TFEC: variants seen among roughly 807,000 people sequenced by gnomAD.
The protein encoded by TFEC is transcription factor EC.
In TFEC, 31 loss-of-function variants were observed where a neutral mutation model predicts 41.6. The ratio of observed to expected loss-of-function variants is 0.74; its 90% CI spans 0.56 to 1.01. The LOEUF (loss-of-function observed/expected upper bound fraction) is 1.01. Ranked by LOEUF, TFEC falls within the 50% of genes least tolerant of loss-of-function variation. The pLI is 0.00. For synonymous variants in TFEC, 143 were observed against 140.6 expected, an observed-to-expected ratio of 1.02 and a Z score of -0.12; for missense variants, 402 against 404.1, an observed-to-expected ratio of 0.99 and a Z score of 0.04.
At chr7:116,095,359 G>T (rs979189616) in intron 3 of TFEC, among the ~76,000 whole-genome samples, 1 of 152,192 alleles carries the variant, frequency 6.6e-6, no homozygotes, top group African/African-American at 2.4e-5. Flanking sequence ...GTACAGGCAT[G>T]CATGAGTGAA....
At chr7:116,112,773 A>T (rs1797885590) in intron 1 of TFEC, among the ~76,000 whole-genome samples, 1 of 152,028 alleles carries the variant, frequency 6.6e-6, no homozygotes, top group African/African-American at 2.4e-5. Flanking sequence ...AGAGGAATGT[A>T]GGTAATAACG....
At chr7:116,077,474 C>T (rs531100287) in intron 3 of TFEC, among the ~76,000 whole-genome samples, 49 of 152,164 alleles carry the variant, frequency 3.2e-4, no homozygotes, top group African/African-American at 1.1e-3. Context: ...TTAAAAAATA[C>T]AGAATGGCTG....
chr7:116,017,773 T>A (rs1795249340), intron 1 of TFEC, among the ~76,000 whole-genome samples: 1 of 152,222 alleles, frequency 6.6e-6, no homozygotes, highest in Non-Finnish European at 1.5e-5. Context: ...ATGGCTTCTC[T>A]CTTTTCAGGA....
intron 1 of TFEC, among the ~76,000 whole-genome samples, chr7:116,112,667 T>A (rs959658138): frequency 6.6e-6 from 1 of 151,866 alleles, no homozygotes. Flanking sequence ...CCAGGAGCAA[T>A]GGATATATGT....
chr7:116,041,527 C>G (rs993505177), intron 3 of TFEC, among the ~76,000 whole-genome samples: 2 of 152,054 alleles, frequency 1.3e-5, no homozygotes, highest in Non-Finnish European at 2.9e-5. Flanking sequence ...AAAGTTAACC[C>G]CTTGAAAAAT....
At chr7:115,954,780 T>C (rs944200017) in intron 4 of TFEC, 138 bp from the exon 5 acceptor site, 13 of 646,928 alleles carry the variant, frequency 2.0e-5, no homozygotes, top group Middle Eastern at 8.4e-4. Flanking sequence ...GATGCAAATA[T>C]TCAGAAATTT....
At chr7:116,107,067 C>A (rs925047507) in intron 3 of TFEC, among the ~76,000 whole-genome samples, 2 of 152,116 alleles carry the variant, frequency 1.3e-5, no homozygotes. Flanking sequence ...CAATATGAAT[C>A]CAAAGCTCTC....
intron 3 of TFEC, among the ~76,000 whole-genome samples, chr7:116,077,534 C>A (rs73448960): frequency 6.6e-6 from 1 of 151,788 alleles, no homozygotes; most frequent in African/African-American, 2.4e-5. Flanking sequence ...AGGAGACACA[C>A]CTAACACATA....
At chr7:115,959,180 T>C (rs191967302) in intron 3 of TFEC, among the ~76,000 whole-genome samples, 153 of 151,908 alleles carry the variant, frequency 1.0e-3, no homozygotes, top group Non-Finnish European at 3.1e-4. Context: ...AGGCAAACAT[T>C]ATTATTAACA....
intron 2 of TFEC, among the ~76,000 whole-genome samples, chr7:115,977,959 TA>T (rs1464869389): frequency 6.6e-6 from 1 of 151,464 alleles, no homozygotes; most frequent in Non-Finnish European, 1.5e-5. Context: ...GAAAAGAAGA[TA>T]AAAACTGACC....
At chr7:115,970,634 T>C (rs935626980) in intron 3 of TFEC, among the ~76,000 whole-genome samples, 1 of 151,980 alleles carries the variant, frequency 6.6e-6, no homozygotes, top group Non-Finnish European at 1.5e-5. Context: ...GGAGGAGCTA[T>C]TTAGAGAAGA....
chr7:115,994,037 T>G (rs1794245977), intron 1 of TFEC, among the ~76,000 whole-genome samples: 1 of 152,114 alleles, frequency 6.6e-6, no homozygotes, highest in East Asian at 1.9e-4. Flanking sequence ...AACAGAGCCC[T>G]CAGAAATAAT....
intron 1 of TFEC, among the ~76,000 whole-genome samples, chr7:116,007,514 C>A (rs112490166): frequency 6.6e-6 from 1 of 152,248 alleles, no homozygotes; most frequent in African/African-American, 2.4e-5. Context: ...TGCCCCCACA[C>A]GGAGATATGA....
At chr7:115,965,972 GCCCTAAGCCTAAATTATGTTC>G (rs1481369659) in intron 3 of TFEC, among the ~76,000 whole-genome samples, 1 of 151,022 alleles carries the variant, frequency 6.6e-6, no homozygotes, top group Non-Finnish European at 1.5e-5. Flanking sequence ...GATCCTCACA[GCCCTAAGCCTAAATTATGTTC>G]CCCGCCACTA....
At chr7:116,154,735 C>T (rs894285339) in intron 1 of TFEC, among the ~76,000 whole-genome samples, 1 of 152,190 alleles carries the variant, frequency 6.6e-6, no homozygotes, top group African/African-American at 2.4e-5. Context: ...TATATCCCTG[C>T]AAACTCTATC....
chr7:115,994,696 G>A (rs368673948), intron 1 of TFEC, among the ~76,000 whole-genome samples: 2 of 152,012 alleles, frequency 1.3e-5, no homozygotes, highest in Non-Finnish European at 2.9e-5. Flanking sequence ...GTCAGGAAAC[G>A]ACAGGTGCTG....
intron 1 of TFEC, among the ~76,000 whole-genome samples, chr7:116,148,624 TG>T (rs1356048566): frequency 6.6e-6 from 1 of 152,062 alleles, no homozygotes; most frequent in Non-Finnish European, 1.5e-5. Context: ...TCCAAAATAC[TG>T]GAAAAAAAGA....
intron 3 of TFEC, among the ~76,000 whole-genome samples, chr7:115,957,864 A>G (rs1792317845): frequency 6.6e-6 from 1 of 151,904 alleles, no homozygotes; most frequent in East Asian, 1.9e-4. Flanking sequence ...ACAGGAAGTA[A>G]ATATGAAGAA....
chr7:115,989,877 G>C (rs1794029307), intron 1 of TFEC, among the ~76,000 whole-genome samples: 1 of 152,194 alleles, frequency 6.6e-6, no homozygotes, highest in African/African-American at 2.4e-5. Flanking sequence ...GAAGAGAGTA[G>C]TGGTTCTCCC....
Sources: gnomAD v4.1 joint callset for allele counts (sites outside exome capture counted in the v4.1 genomes callset) on GRCh38, gnomAD v4.1.1 for gene constraint, MANE v1.5 for transcripts, NCBI Gene and HGNC (gene_info 2026-07-23, HGNC 2026-07-21) for gene names.